Variants in ADK observed in about 807,000 individuals in gnomAD.
ADK encodes adenosine kinase.
Under a neutral mutation model 44.7 loss-of-function variants are expected in ADK, and 24 were observed. The ratio of observed to expected loss-of-function variants is 0.54; its 90% CI spans 0.39 to 0.76. The LOEUF (loss-of-function observed/expected upper bound fraction) is 0.76. ADK is among the 30% of genes least tolerant of loss of function. The probability of loss-of-function intolerance (pLI) is 0.00; values close to 1 mark genes in which losing one functional copy is unlikely to be tolerated. For missense variants in ADK, 321 were observed against 425.1 expected, an observed-to-expected ratio of 0.76 and a Z score of 2.15; for synonymous variants, 128 against 142.6, an observed-to-expected ratio of 0.90 and a Z score of 0.73.
At chr10:74,642,258 T>G (rs769138438) in intron 9 of ADK, among the ~76,000 whole-genome samples, 2 of 152,166 alleles carry the variant, frequency 1.3e-5, no homozygotes, top group Non-Finnish European at 2.9e-5. Flanking sequence ...TTTTATTTTC[T>G]AATACAGTAA....
intron 7 of ADK, among the ~76,000 whole-genome samples, chr10:74,537,258 T>G (rs934886188): frequency 1.3e-5 from 2 of 152,248 alleles, no homozygotes; most frequent in African/African-American, 4.8e-5. Flanking sequence ...TTTGGTAACC[T>G]GTTACATTGC....
At chr10:74,690,870 G>T (rs1352461174) in intron 10 of ADK, among the ~76,000 whole-genome samples, 3 of 152,122 alleles carry the variant, frequency 2.0e-5, no homozygotes, top group African/African-American at 7.2e-5. Flanking sequence ...AATAGCTGTT[G>T]GTTGATGGAA....
chr10:74,191,478 T>C (rs562873636), intron 1 of ADK, among the ~76,000 whole-genome samples: 2 of 152,246 alleles, frequency 1.3e-5, no homozygotes, highest in Admixed American at 1.3e-4. Context: ...TCTCGAACTC[T>C]TGGGCTCAAG....
intron 4 of ADK, among the ~76,000 whole-genome samples, chr10:74,371,040 C>G (rs188585433): frequency 2.3e-4 from 35 of 152,216 alleles, no homozygotes; most frequent in Middle Eastern, 3.4e-3. Context: ...CCTTTTCAAA[C>G]AACACATTAT....
At chr10:74,271,334 T>G (rs1302205726) in intron 3 of ADK, among the ~76,000 whole-genome samples, 1 of 152,132 alleles carries the variant, frequency 6.6e-6, no homozygotes, top group Non-Finnish European at 1.5e-5. Flanking sequence ...TATTTACATT[T>G]TTATGCTTAG....
intron 6 of ADK, among the ~76,000 whole-genome samples, chr10:74,420,192 C>T (rs1170391603): frequency 6.6e-6 from 1 of 152,144 alleles, no homozygotes; most frequent in East Asian, 1.9e-4. Flanking sequence ...TATGTGATAC[C>T]TGTAGACTTA....
chr10:74,254,421 T>G (rs918897848), intron 3 of ADK, among the ~76,000 whole-genome samples: 2 of 152,128 alleles, frequency 1.3e-5, no homozygotes, highest in African/African-American at 4.8e-5. Context: ...ATGCAGTATT[T>G]TTAATATTTA....
chr10:74,231,854 T>C (rs913455631), intron 3 of ADK, among the ~76,000 whole-genome samples: 1 of 152,178 alleles, frequency 6.6e-6, no homozygotes, highest in African/African-American at 2.4e-5. Context: ...TAAACTAAGG[T>C]TTAAATAGTT....
At chr10:74,284,089 G>A (rs758280472) in intron 3 of ADK, among the ~76,000 whole-genome samples, 7 of 152,166 alleles carry the variant, frequency 4.6e-5, no homozygotes, top group African/African-American at 1.2e-4. Context: ...CTTCTGAGTA[G>A]TTGGCATTAC....
chr10:74,637,593 T>C (rs560521339), intron 9 of ADK, among the ~76,000 whole-genome samples: 2 of 152,242 alleles, frequency 1.3e-5, no homozygotes, highest in Non-Finnish European at 2.9e-5. Context: ...GGTACCATCC[T>C]TAGCAGAATA....
intron 8 of ADK, among the ~76,000 whole-genome samples, chr10:74,597,679 T>C (rs149193784): frequency 3.0e-4 from 45 of 152,208 alleles, no homozygotes; most frequent in Non-Finnish European, 5.0e-4. Flanking sequence ...TGTTCCTTTC[T>C]TGGTGCATCA....
At chr10:74,676,121 T>C (rs1033545933) in intron 10 of ADK, among the ~76,000 whole-genome samples, 1 of 152,156 alleles carries the variant, frequency 6.6e-6, no homozygotes, top group African/African-American at 2.4e-5. Flanking sequence ...TTGTTGGTTT[T>C]TTTTGTTTTG....
At chr10:74,586,018 T>C (rs1280016971) in intron 7 of ADK, among the ~76,000 whole-genome samples, 1 of 152,258 alleles carries the variant, frequency 6.6e-6, no homozygotes, top group African/African-American at 2.4e-5. Context: ...ATGTCTTTTC[T>C]TTCTGCCTCT....
intron 9 of ADK, among the ~76,000 whole-genome samples, chr10:74,652,050 C>CTTTT (rs1162009549): frequency 1.1e-4 from 15 of 140,412 alleles, no homozygotes; most frequent in Non-Finnish European, 1.2e-4. Context: ...TTCTTTCTTT[C>CTTTT]TTTTTTTTTT....
intron 4 of ADK, among the ~76,000 whole-genome samples, chr10:74,383,414 C>G (rs61185372): frequency 3.7e-4 from 21 of 57,054 alleles, no homozygotes; most frequent in South Asian, 9.3e-4. Flanking sequence ...CTCTGTCTCT[C>G]TCTCTCTCTC....
chr10:74,177,945 A>ATTTTT (rs1158811749), intron 1 of ADK, among the ~76,000 whole-genome samples: 2,995 of 108,912 alleles, frequency 0.027, 65 homozygotes, highest in South Asian at 0.043. Context: ...ATATATATAT[A>ATTTTT]TTTTTTTTTT....
intron 6 of ADK, among the ~76,000 whole-genome samples, chr10:74,410,681 AAAACAAAC>A (rs574905509): frequency 6.6e-6 from 1 of 152,162 alleles, no homozygotes; most frequent in African/African-American, 2.4e-5. Flanking sequence ...ACTCTGTCTG[AAAACAAAC>A]AAACAAACAA....
intron 7 of ADK, among the ~76,000 whole-genome samples, chr10:74,557,187 G>A (rs569582021): frequency 2.2e-4 from 34 of 152,206 alleles, no homozygotes; most frequent in Non-Finnish European, 4.0e-4. Flanking sequence ...TGACTGAAAC[G>A]TGTAAGAAGT....
At position 74,698,548 on chromosome 10, in the gene ADK, T is replaced by TTTTTG. The variant is rs762578832; in HGVS notation, c.965-9754_965-9750dup. 2.9e-3 allele frequency among the ~76,000 whole-genome samples: 445 copies of TTTTTG among 152,290 alleles called. 2 individuals are homozygous for TTTTTG. Among genetic ancestry groups the TTTTTG allele is most frequent in the Non-Finnish European group, 4.6e-3 (310 of 68,020 alleles). ...AATCTTGTTCTAAAAAGAGCAGACT[T>TTTTTG]TTTTGTTTTGTTTTGTTTTGTTTGA... On this transcript the variant is annotated intron_variant, in intron 10 of 10. Transcript: ENST00000539909.
Sources: allele counts gnomAD v4.1 joint callset (sites outside exome capture counted in the v4.1 genomes callset), GRCh38; gene constraint gnomAD v4.1.1; transcripts MANE v1.5; gene names NCBI Gene and HGNC (gene_info 2026-07-23, HGNC 2026-07-21).